LDAH: variants seen among roughly 807,000 people sequenced by gnomAD.
LDAH encodes the protein lipid droplet associated hydrolase.
LDAH carries 26 observed loss-of-function variants against 29.6 expected under a neutral mutation model. That is an observed-to-expected ratio of 0.88 (90% CI 0.64 to 1.22). The LOEUF (loss-of-function observed/expected upper bound fraction) is 1.22, where lower values mean the gene tolerates loss of function less well. Ranked by LOEUF, LDAH falls within the 50% of genes most tolerant of loss-of-function variation. The pLI is 0.00. For missense variants in LDAH, 344 were observed against 387.3 expected (o/e 0.89, Z 0.94); for synonymous variants, 117 against 133.0 (o/e 0.88, Z 0.83).
chr2:20,816,787 A>C (rs917055892), intron 1 of LDAH, among the ~76,000 whole-genome samples: 1 of 152,060 alleles, frequency 6.6e-6, no homozygotes, highest in African/African-American at 2.4e-5. Flanking sequence ...CTTTTCAAGC[A>C]TACATGGAAC....
At chr2:20,814,662 A>G (rs1672732572) in intron 1 of LDAH, among the ~76,000 whole-genome samples, 1 of 152,112 alleles carries the variant, frequency 6.6e-6, no homozygotes, top group Non-Finnish European at 1.5e-5. Flanking sequence ...GGGTTTCACC[A>G]TGTTGCCTAG....
At chr2:20,797,781 G>C (rs1671401419) in intron 2 of LDAH, among the ~76,000 whole-genome samples, 1 of 151,734 alleles carries the variant, frequency 6.6e-6, no homozygotes. Context: ...AAACAAAAAA[G>C]AAAAGAAAAG....
intron 3 of LDAH, among the ~76,000 whole-genome samples, chr2:20,785,752 A>G (rs1670500682): frequency 6.6e-6 from 1 of 152,138 alleles, no homozygotes; most frequent in African/African-American, 2.4e-5. Flanking sequence ...ATTTCTATTA[A>G]CCTATTTTTC....
At chr2:20,725,734 T>C (rs2149407454) in intron 5 of LDAH, among the ~76,000 whole-genome samples, 1 of 152,332 alleles carries the variant, frequency 6.6e-6, no homozygotes, top group South Asian at 2.1e-4. Context: ...TAAAAGTTCC[T>C]AGGGAGGACA....
At position 20,712,759 on chromosome 2, in the gene LDAH, G is replaced by A. The variant is rs969721997; in HGVS notation, c.704-11107C>T. Reference sequence around the variant, plus strand: ...GATGCCTGCACAAGCTTCAATAGCCGATTTGGTCAAGTGGAAGAAAGGGTA... The same window carrying A: ...GATGCCTGCACAAGCTTCAATAGCCAATTTGGTCAAGTGGAAGAAAGGGTA... On this transcript the variant is annotated intron_variant, in intron 5 of 6. Coordinates refer to ENST00000237822, the MANE Select transcript of LDAH (RefSeq NM_021925.4). Among the ~76,000 whole-genome samples, 5 of 152,170 alleles carry A rather than the reference G, an allele frequency of 3.3e-5. No individual in the cohort carries two copies. In the East Asian group the frequency reaches 7.7e-4, roughly 23 times the overall value.
intron 3 of LDAH, among the ~76,000 whole-genome samples, chr2:20,779,130 A>G (rs1184956024): frequency 6.6e-6 from 1 of 152,154 alleles, no homozygotes; most frequent in African/African-American, 2.4e-5. Flanking sequence ...AAACCCTTCC[A>G]TCCTGCCCCC....
intron 5 of LDAH, among the ~76,000 whole-genome samples, chr2:20,707,349 C>T (rs1294472381): frequency 1.3e-5 from 2 of 152,230 alleles, no homozygotes; most frequent in African/African-American, 4.8e-5. Context: ...GCCTCCTTCC[C>T]CAACTGGGTG....
intron 4 of LDAH, among the ~76,000 whole-genome samples, chr2:20,742,042 A>T (rs1667216796): frequency 6.6e-6 from 1 of 152,196 alleles, no homozygotes; most frequent in East Asian, 1.9e-4. Flanking sequence ...GTTCAAAATT[A>T]TTTCTCAATT....
Position 20,685,687 on chromosome 2 carries a change from T to G in LDAH, c.*1216A>C. On this transcript the variant is annotated 3_prime_UTR_variant, in exon 7 of 7. Coordinates refer to ENST00000237822, the MANE Select transcript of LDAH (RefSeq NM_021925.4). The stretch of plus-strand genomic sequence containing the variant: ...GAGAAAAAGGAATATTTCTGATCCA[T>G]GATCAACTGTCACTGCAGTATGTGG... The G allele has an allele frequency of 3.9e-6, 6 of 1,543,844 alleles. No individual in the cohort carries two copies. Among genetic ancestry groups the G allele is most frequent in the Non-Finnish European group, 5.2e-6 (6 of 1,144,870 alleles).
intron 1 of LDAH, among the ~76,000 whole-genome samples, chr2:20,803,492 A>G (rs952722282): frequency 2.0e-5 from 3 of 152,182 alleles, no homozygotes; most frequent in South Asian, 2.1e-4. Context: ...CTACACAGGG[A>G]GGCCTCTCCA....
At position 20,801,631 on chromosome 2, in the gene LDAH, A is replaced by T. The variant is rs552396527; in HGVS notation, c.-2-166T>A. On this transcript the variant is annotated intron_variant, in intron 1 of 6. Transcript: ENST00000237822. ...CTATTCAGTGATGCTGGATTATACG[A>T]TTGCAAGACACGTAAAACAAGCCAC... Among the ~76,000 whole-genome samples, 3 of 152,324 alleles carry T rather than the reference A, an allele frequency of 2.0e-5. No homozygotes were observed. In the South Asian group the frequency reaches 6.2e-4, roughly 32 times the overall value.
intron 4 of LDAH, 119 bp downstream of exon 4, chr2:20,774,691 A>C (rs1669669523): frequency 4.1e-6 from 4 of 975,300 alleles, no homozygotes; most frequent in Non-Finnish European, 6.3e-6. Context: ...GAAAGCAAAT[A>C]TCCCTCTCTC....
chr2:20,776,636 G>A (rs1669844776), intron 3 of LDAH, among the ~76,000 whole-genome samples: 1 of 152,120 alleles, frequency 6.6e-6, no homozygotes, highest in Non-Finnish European at 1.5e-5. Context: ...ACAGAATTGG[G>A]AAGAGAGAGA....
At chr2:20,760,858 A>G (rs556148289) in intron 4 of LDAH, among the ~76,000 whole-genome samples, 1 of 152,304 alleles carries the variant, frequency 6.6e-6, no homozygotes, top group Admixed American at 6.5e-5. Context: ...GTCATCAGTC[A>G]TATCCACTTA....
chr2:20,704,558 G>T (rs1327252279), intron 5 of LDAH, among the ~76,000 whole-genome samples: 1 of 152,114 alleles, frequency 6.6e-6, no homozygotes. Flanking sequence ...AACAAACCAT[G>T]AAATAGTACA....
chr2:20,797,815 C>T (rs1671404108), intron 2 of LDAH, among the ~76,000 whole-genome samples: 1 of 151,902 alleles, frequency 6.6e-6, no homozygotes, highest in Non-Finnish European at 1.5e-5. Context: ...ATCCATTAAA[C>T]ATGAGACTAC....
chr2:20,807,402 A>G (rs1672139482), intron 1 of LDAH, among the ~76,000 whole-genome samples: 1 of 152,158 alleles, frequency 6.6e-6, no homozygotes, highest in Non-Finnish European at 1.5e-5. Context: ...TTTTACTTTA[A>G]AATGTACATT....
At chr2:20,777,155 T>A (rs1341040008) in intron 3 of LDAH, among the ~76,000 whole-genome samples, 3 of 152,200 alleles carry the variant, frequency 2.0e-5, no homozygotes, top group Non-Finnish European at 2.9e-5. Context: ...TTTACATGGT[T>A]AGAGCAAAGA....
Position 20,685,816 on chromosome 2 carries a change from G to A in LDAH, c.*1087C>T. On this transcript the variant is annotated 3_prime_UTR_variant, in exon 7 of 7. Coordinates refer to ENST00000237822, the MANE Select transcript of LDAH (RefSeq NM_021925.4). ...CCATACCTCAATGTGTCTAGAGAAG[G>A]TGAATTCACATAACTTAATGGCTGG... 1.2e-6 allele frequency: 1 copy of A among 800,044 alleles called. No homozygotes were observed. Among genetic ancestry groups the A allele is most frequent in the South Asian group, 2.8e-5 (1 of 35,156 alleles). The allele number at this position is 800,044 out of a possible 1,614,324, so 49.6% of individuals were successfully genotyped here.
Sources: gnomAD v4.1 joint callset for allele counts (sites outside exome capture counted in the v4.1 genomes callset) on GRCh38, gnomAD v4.1.1 for gene constraint, MANE v1.5 for transcripts, NCBI Gene and HGNC (gene_info 2026-07-23, HGNC 2026-07-21) for gene names.